UGT1A9: variants seen among roughly 807,000 people sequenced by gnomAD.
UGT1A9 encodes the protein UDP-glucuronosyltransferase 1A9.
Under a neutral mutation model 45.0 loss-of-function variants are expected in UGT1A9, and 35 were observed. That is an observed-to-expected ratio of 0.78 (90% CI 0.59 to 1.03). The LOEUF (loss-of-function observed/expected upper bound fraction) is 1.03, where lower values mean the gene tolerates loss of function less well. UGT1A9 is among the 50% of genes least tolerant of loss of function. The probability of loss-of-function intolerance (pLI) is 0.00; values close to 1 mark genes in which losing one functional copy is unlikely to be tolerated. For missense variants in UGT1A9, 687 were observed against 666.6 expected, an observed-to-expected ratio of 1.03 and a Z score of -0.34; for synonymous variants, 278 against 250.6, an observed-to-expected ratio of 1.11 and a Z score of -1.03.
In UGT1A9 at chr2:233,767,846, C is replaced by G. The variant is rs1699507381; in HGVS notation, c.988-3C>G. The G allele has an allele frequency of 6.2e-7, 1 of 1,614,014 alleles. No individual in the cohort carries two copies. Among genetic ancestry groups the G allele is most frequent in the Non-Finnish European group, 8.5e-7 (1 of 1,180,026 alleles). ...TACGTTCTGCTCTTTTTGCCCCTCC[C>G]AGGTCCTGTGGCGGTACACTGGAAC... On this transcript the variant is annotated splice_region_variant and splice_polypyrimidine_tract_variant and intron_variant, in intron 2 of 4. Coordinates refer to ENST00000354728, the MANE Select transcript of UGT1A9 (RefSeq NM_021027.3).
chr2:233,672,557 G>A lies in UGT1A9; in HGVS notation c.623G>A (p.Arg208Gln), dbSNP rs778540806. The A allele has an allele frequency of 3.5e-5, 56 of 1,613,900 alleles. No individual in the cohort carries two copies. The South Asian group carries it at 5.4e-4, about 16-fold the overall frequency. ...GCCATGACTTTCAAGGAGAGAGTACGGAACCACATCATGCACTTGGAGGAA... is the reference window on the plus strand; with the variant it reads ...GCCATGACTTTCAAGGAGAGAGTACAGAACCACATCATGCACTTGGAGGAA... ...SDAMTFKERV[R>Q]NHIMHLEEHL... is the part of the protein sequence containing the mutation. Residue 208 changes from arginine (R) to glutamine (Q), a missense_variant, in exon 1 of 5, where the codon CGG (arginine) becomes CAG (glutamine). By Grantham distance (43) the Arg-to-Gln change is conservative. Transcript: ENST00000354728.
At chr2:233,733,440 C>T (rs1200700751) in intron 1 of UGT1A9, among the ~76,000 whole-genome samples, 12 of 152,030 alleles carry the variant, frequency 7.9e-5, no homozygotes, top group African/African-American at 1.5e-4. Context: ...ATATTGGCTG[C>T]GGGTTTGTCA....
At chr2:233,692,097 C>T (rs527331361) in intron 1 of UGT1A9, 1 of 152,210 alleles carries the variant, frequency 6.6e-6, no homozygotes, top group African/African-American at 2.4e-5. Flanking sequence ...ATTTGATCAC[C>T]GATGGGCAAC....
chr2:233,743,846 C>A (rs779214397), intron 1 of UGT1A9: 9 of 1,367,112 alleles, frequency 6.6e-6, no homozygotes, highest in Non-Finnish European at 8.8e-6. Flanking sequence ...CGCCAGCTTG[C>A]GGTACGCCTT....
intron 1 of UGT1A9, chr2:233,721,974 C>G (rs1194611590): frequency 3.7e-5 from 10 of 270,972 alleles, no homozygotes; most frequent in Non-Finnish European, 7.4e-5. Context: ...CATTGATGGC[C>G]TGGGTAGTTT....
At chr2:233,759,537 C>T (rs1642121675) in intron 1 of UGT1A9, among the ~76,000 whole-genome samples, 1 of 152,180 alleles carries the variant, frequency 6.6e-6, no homozygotes, top group South Asian at 2.1e-4. Context: ...CTTCTGTTCA[C>T]ATGCGCTCCA....
chr2:233,718,176 T>C (rs1244111722), intron 1 of UGT1A9: 1 of 237,604 alleles, frequency 4.2e-6, no homozygotes, highest in Non-Finnish European at 8.5e-6. Flanking sequence ...TCATCACATC[T>C]TGAGCTCAGC....
chr2:233,691,433 A>C, intron 1 of UGT1A9: 2 of 985,600 alleles, frequency 2.0e-6, no homozygotes, highest in Non-Finnish European at 2.4e-6. Context: ...CATGTTGCTC[A>C]GGCTTCTTCT....
chr2:233,733,854 T>C (rs1332608655), intron 1 of UGT1A9, among the ~76,000 whole-genome samples: 1 of 152,088 alleles, frequency 6.6e-6, no homozygotes, highest in East Asian at 1.9e-4. Flanking sequence ...CTTTTTCTAT[T>C]GATTGGAATA....
rs560254383 is a variant in UGT1A9, at chr2:233,682,429, C to G, written c.855+9640C>G. On this transcript the variant is annotated intron_variant, in intron 1 of 4. Transcript: ENST00000354728. Reference sequence around the variant, plus strand: ...TTGTTGCCAAATATTTCTCCCTCCCCTCTGTGGTCTTCGCCAGGGGAATAT... The same window carrying G: ...TTGTTGCCAAATATTTCTCCCTCCCGTCTGTGGTCTTCGCCAGGGGAATAT... 4.3e-6 allele frequency: 7 copies of G among 1,613,794 alleles called. No individual in the cohort carries two copies. In the African/African-American group the frequency reaches 9.3e-5, roughly 22 times the overall value.
chr2:233,716,479 C>T (rs977353468), intron 1 of UGT1A9, among the ~76,000 whole-genome samples: 2 of 152,108 alleles, frequency 1.3e-5, no homozygotes, highest in African/African-American at 4.8e-5. Context: ...TTCTGTCCTC[C>T]GTAGTCTTCT....
At chr2:233,728,727 T>C (rs1208956331) in intron 1 of UGT1A9, among the ~76,000 whole-genome samples, 1 of 152,204 alleles carries the variant, frequency 6.6e-6, no homozygotes, top group Non-Finnish European at 1.5e-5. Flanking sequence ...AGAGAGCATA[T>C]GACTGGGGGC....
chr2:233,682,105 C>T (rs7577789), intron 1 of UGT1A9: 7 of 1,614,078 alleles, frequency 4.3e-6, no homozygotes, highest in South Asian at 3.3e-5. Flanking sequence ...ATGAGGTGGT[C>T]GTAGTCATGC....
intron 1 of UGT1A9, among the ~76,000 whole-genome samples, chr2:233,758,061 G>A (rs554813737): frequency 6.6e-6 from 1 of 152,232 alleles, no homozygotes; most frequent in Non-Finnish European, 1.5e-5. Context: ...TTTCTAACTT[G>A]ACTTTCTGGG....
In UGT1A9 at chr2:233,672,351, G is replaced by A. The variant is rs765515241; in HGVS notation, c.417G>A (p.Glu139=). 36 of 1,613,958 alleles carry A rather than the reference G, an allele frequency of 2.2e-5. No homozygotes were observed. In the South Asian group the frequency reaches 3.6e-4, roughly 16 times the overall value. The part of the protein sequence containing the change: ...KDKKLVEYLK[E]SSFDAVFLDP... ...AAAAATTAGTAGAATACTTAAAGGA[G>A]AGTTCTTTTGATGCAGTGTTTCTCG... The change falls in exon 1 of 5, where the codon GAG becomes GAA. Residue 139 remains glutamate, a synonymous_variant. Transcript: ENST00000354728.
intron 1 of UGT1A9, chr2:233,717,654 A>G (rs1175900251): frequency 1.5e-5 from 6 of 405,858 alleles, no homozygotes; most frequent in Admixed American, 1.3e-4. Flanking sequence ...CAGGACAAGG[A>G]AGCATCAGCA....
intron 1 of UGT1A9, among the ~76,000 whole-genome samples, chr2:233,740,241 T>A (rs774118650): frequency 4.0e-5 from 6 of 151,874 alleles, no homozygotes; most frequent in Non-Finnish European, 7.3e-5. Flanking sequence ...AGGCTGAGAA[T>A]AGACTAATAC....
In UGT1A9 at chr2:233,769,625, A is replaced by G; in HGVS notation, c.1295+1186A>G. 1 of 1,612,274 alleles carries G rather than the reference A, an allele frequency of 6.2e-7. No homozygotes were observed. Among genetic ancestry groups the G allele is most frequent in the African/African-American group, 1.3e-5 (1 of 75,020 alleles). On this transcript the variant is annotated intron_variant, in intron 4 of 4. Coordinates refer to ENST00000354728, the MANE Select transcript of UGT1A9 (RefSeq NM_021027.3). The surrounding 1 kb of genome is among the most constrained non-coding windows in gnomAD (Gnocchi z 4.4). ...GGGGACACACCAGCTTGAGCAAGGGACAACAGGGGAGGACTGATGACTGAC... is the reference window on the plus strand; with the variant it reads ...GGGGACACACCAGCTTGAGCAAGGGGCAACAGGGGAGGACTGATGACTGAC...
At chr2:233,675,451 T>A (rs1414042107) in intron 1 of UGT1A9, among the ~76,000 whole-genome samples, 2 of 152,182 alleles carry the variant, frequency 1.3e-5, no homozygotes, top group Non-Finnish European at 2.9e-5. Flanking sequence ...GAATTCAGGC[T>A]TTGTCTATAC....
Sources: gnomAD v4.1 joint callset for allele counts (sites outside exome capture counted in the v4.1 genomes callset) on GRCh38, gnomAD v4.1.1 for gene constraint, Gnocchi (gnomAD v3.1) non-coding constraint, MANE v1.5 for transcripts, NCBI Gene and HGNC (gene_info 2026-07-23, HGNC 2026-07-21) for gene names.